The following SGMS2 variants were observed in gnomAD, a reference collection of about 807,000 sequenced individuals.
The protein encoded by SGMS2 is sphingomyelin synthase 2, also known as phosphatidylcholine:ceramide cholinephosphotransferase 2.
SGMS2 carries 21 observed loss-of-function variants against 43.8 expected under a neutral mutation model. The observed-to-expected ratio is 0.48, with a 90% CI of 0.34 to 0.69. SGMS2 has a LOEUF of 0.69. Ranked by LOEUF, SGMS2 falls within the 30% of genes least tolerant of loss-of-function variation. The pLI, the probability that SGMS2 is intolerant of heterozygous loss-of-function variation, is 0.01. For missense variants in SGMS2, 384 were observed against 443.2 expected (o/e 0.87, Z 1.20); for synonymous variants, 167 against 160.6 (o/e 1.04, Z -0.30).
At chr4:107,879,478 T>C (rs77131897) in intron 2 of SGMS2, among the ~76,000 whole-genome samples, 12 of 150,108 alleles carry the variant, frequency 8.0e-5, no homozygotes, top group South Asian at 2.1e-4. Context: ...TTTTTTTTTT[T>C]CGAGACCGAG....
intron 4 of SGMS2, among the ~76,000 whole-genome samples, chr4:107,900,261 G>A (rs1021045262): frequency 2.0e-5 from 3 of 152,190 alleles, no homozygotes; most frequent in Non-Finnish European, 4.4e-5. Flanking sequence ...TGGACGGCAT[G>A]AGAGCTGCAG....
At chr4:107,899,764 A>T (rs1730966059) in intron 4 of SGMS2, 72 bp downstream of exon 4, 1 of 990,164 alleles carries the variant, frequency 1.0e-6, no homozygotes, top group Non-Finnish European at 1.5e-6. Context: ...TGTATTATAC[A>T]TTCTTCTAGA....
At chr4:107,906,247 T>G (rs1731560143) in intron 5 of SGMS2, among the ~76,000 whole-genome samples, 1 of 152,222 alleles carries the variant, frequency 6.6e-6, no homozygotes, top group Non-Finnish European at 1.5e-5. Context: ...TTTCCTTGTT[T>G]GCTCTGTTGT....
intron 4 of SGMS2, among the ~76,000 whole-genome samples, chr4:107,902,757 T>C (rs1167983825): frequency 6.6e-6 from 1 of 152,218 alleles, no homozygotes; most frequent in Non-Finnish European, 1.5e-5. Context: ...ATTGTAAATG[T>C]TTTGATCAGA....
chr4:107,904,259 G>T (rs1315942069), intron 5 of SGMS2, among the ~76,000 whole-genome samples: 4 of 152,058 alleles, frequency 2.6e-5, no homozygotes, highest in Non-Finnish European at 5.9e-5. Context: ...AGTATTTTTT[G>T]GAGGTTTATC....
chr4:107,879,299 T>G (rs566674358), intron 2 of SGMS2, among the ~76,000 whole-genome samples: 1 of 152,144 alleles, frequency 6.6e-6, no homozygotes, highest in South Asian at 2.1e-4. Context: ...CTTGATCTTG[T>G]CTGTAGAAAA....
At chr4:107,878,290 C>T (rs1729083113) in intron 2 of SGMS2, among the ~76,000 whole-genome samples, 1 of 152,136 alleles carries the variant, frequency 6.6e-6, no homozygotes, top group African/African-American at 2.4e-5. Flanking sequence ...GTCCCGTCTT[C>T]CCTACCCTAC....
chr4:107,892,057 T>G (rs6842291), intron 2 of SGMS2, among the ~76,000 whole-genome samples: 103,233 of 150,146 alleles, frequency 0.69, 36,466 homozygotes, highest in African/African-American at 0.84. Flanking sequence ...CCAAGAACTC[T>G]TACCCTCACT....
rs149080771 is a variant in SGMS2 at position 107,826,785 on chromosome 4, C to T, written c.-327+1532C>T. On this transcript the variant is annotated intron_variant, in intron 1 of 6. Transcript: ENST00000690982. ...TGGCTGCACCTTGTTCTGAGTTTCTCCCCTCGCAGAATCTCATAAAAGCCC... is the reference window on the plus strand; with the variant it reads ...TGGCTGCACCTTGTTCTGAGTTTCTTCCCTCGCAGAATCTCATAAAAGCCC... 3.3e-4 allele frequency among the ~76,000 whole-genome samples: 50 copies of T among 152,284 alleles called. No homozygotes were observed. In the East Asian group the frequency reaches 9.1e-3, roughly 28 times the overall value.
intron 1 of SGMS2, among the ~76,000 whole-genome samples, chr4:107,855,191 C>G (rs896364909): frequency 1.3e-5 from 2 of 152,004 alleles, no homozygotes; most frequent in Non-Finnish European, 2.9e-5. Flanking sequence ...TTGGTTCTTT[C>G]TTTTTTCTCC....
At chr4:107,877,232 T>C (rs959107476) in intron 2 of SGMS2, among the ~76,000 whole-genome samples, 1 of 152,142 alleles carries the variant, frequency 6.6e-6, no homozygotes, top group Non-Finnish European at 1.5e-5. Flanking sequence ...TCCTTGAGCC[T>C]AGGAGTTTAC....
rs745440957 is a variant in SGMS2, at chr4:107,885,469, C to T, written c.-244-9841C>T. Among the ~76,000 whole-genome samples the T allele has an allele frequency of 2.0e-5, 3 of 152,162 alleles. No individual in the cohort carries two copies. The East Asian group carries it at 5.8e-4, about 29-fold the overall frequency. On this transcript the variant is annotated intron_variant, in intron 2 of 6. Transcript: ENST00000690982. Reference sequence around the variant, plus strand: ...AGGCTCTTTTGATGTCAATATCACACAATTTTAGCTGTGTAATATATGTTC... The same window carrying T: ...AGGCTCTTTTGATGTCAATATCACATAATTTTAGCTGTGTAATATATGTTC...
intron 2 of SGMS2, among the ~76,000 whole-genome samples, chr4:107,884,341 C>T (rs1312923127): frequency 6.6e-6 from 1 of 152,148 alleles, no homozygotes; most frequent in Non-Finnish European, 1.5e-5. Flanking sequence ...ATATTCTCTT[C>T]ATAGGACATG....
chr4:107,834,670 T>G (rs1356379583), intron 1 of SGMS2, among the ~76,000 whole-genome samples: 1 of 152,196 alleles, frequency 6.6e-6, no homozygotes, highest in African/African-American at 2.4e-5. Context: ...GGTCATCTAT[T>G]GTAAGTATGT....
chr4:107,878,348 A>G (rs936476884), intron 2 of SGMS2, among the ~76,000 whole-genome samples: 1 of 152,186 alleles, frequency 6.6e-6, no homozygotes, highest in Non-Finnish European at 1.5e-5. Flanking sequence ...AGGGGTTGGG[A>G]GCAAGCATAA....
intron 1 of SGMS2, among the ~76,000 whole-genome samples, chr4:107,849,551 C>T (rs562846113): frequency 6.6e-6 from 1 of 152,272 alleles, no homozygotes; most frequent in African/African-American, 2.4e-5. Flanking sequence ...ATAATACTTA[C>T]TATGTACTAG....
At chr4:107,880,693 TA>T (rs1343559444) in intron 2 of SGMS2, among the ~76,000 whole-genome samples, 5 of 151,786 alleles carry the variant, frequency 3.3e-5, no homozygotes, top group South Asian at 2.1e-4. Context: ...CCATCTCTAC[TA>T]AAAATACAAA....
chr4:107,898,508 A>G (rs988620347), intron 3 of SGMS2, among the ~76,000 whole-genome samples: 2 of 105,210 alleles, frequency 1.9e-5, no homozygotes, highest in Non-Finnish European at 4.5e-5. Flanking sequence ...GACCTCTGAA[A>G]ATGAGAGACC....
intron 3 of SGMS2, among the ~76,000 whole-genome samples, chr4:107,899,082 T>A: frequency 6.6e-6 from 1 of 152,226 alleles, no homozygotes; most frequent in East Asian, 1.9e-4. Flanking sequence ...GTGGGCTAAA[T>A]GTGTTGTCAC....
Sources: allele counts gnomAD v4.1 joint callset (sites outside exome capture counted in the v4.1 genomes callset), GRCh38; gene constraint gnomAD v4.1.1; transcripts MANE v1.5; gene names NCBI Gene and HGNC (gene_info 2026-07-23, HGNC 2026-07-21).